INVS: variants seen among roughly 807,000 people sequenced by gnomAD.
INVS encodes inversion of embryo turning homolog.
Under a neutral mutation model 108.8 loss-of-function variants are expected in INVS, and 86 were observed. The ratio of observed to expected loss-of-function variants is 0.79; its 90% CI spans 0.66 to 0.95. The LOEUF (loss-of-function observed/expected upper bound fraction) is 0.95. INVS is among the 40% of genes least tolerant of loss of function. The pLI is 0.00. For missense variants in INVS, 1,169 were observed against 1,297.4 expected (o/e 0.90, Z 1.52); for synonymous variants, 455 against 473.5 (o/e 0.96, Z 0.51).
In INVS at chr9:100,174,402, T is replaced by TA. The variant is rs929801459; in HGVS notation, c.273+47864dup. 5.1e-3 allele frequency among the ~76,000 whole-genome samples: 734 copies of TA among 144,092 alleles called. 5 individuals carry two copies. Among genetic ancestry groups the TA allele is most frequent in the African/African-American group, 0.017 (659 of 39,442 alleles). The allele number at this position is 144,092 out of a possible 152,430, so 94.5% of individuals were successfully genotyped here. On this transcript the variant is annotated intron_variant, in intron 3 of 16. Coordinates refer to ENST00000262457, the MANE Select transcript of INVS (RefSeq NM_014425.5). The stretch of plus-strand genomic sequence containing the variant: ...AGATCAATAGAAATTAACCAATCTT[T>TA]AAAAAAAAAAAGAAGCGAATATACT...
At chr9:100,111,416 A>T (rs974664809) in intron 2 of INVS, among the ~76,000 whole-genome samples, 4 of 152,266 alleles carry the variant, frequency 2.6e-5, no homozygotes, top group African/African-American at 7.2e-5. Flanking sequence ...TGAATGCGGT[A>T]GAGCAGTGGC....
At chr9:100,226,586 G>T (rs1831329916) in intron 4 of INVS, among the ~76,000 whole-genome samples, 1 of 152,136 alleles carries the variant, frequency 6.6e-6, no homozygotes, top group Non-Finnish European at 1.5e-5. Context: ...GCCGAGGCAA[G>T]TGGATCAGCT....
chr9:100,205,173 A>G (rs1054252225), intron 3 of INVS, among the ~76,000 whole-genome samples: 5 of 152,168 alleles, frequency 3.3e-5, no homozygotes, highest in Admixed American at 6.5e-5. Context: ...AGAAGTTTTT[A>G]TGGCCACTCT....
chr9:100,300,820 A>G lies in INVS; in HGVS notation c.*146A>G. 1 of 679,174 alleles carries G rather than the reference A, an allele frequency of 1.5e-6. No homozygotes were observed. The highest frequency in any genetic ancestry group is 1.6e-5 in the South Asian group (1 of 61,674). 42.1% of individuals were successfully genotyped at this position (679,174 alleles called of 1,614,324 possible). A position where few individuals can be genotyped will look rare whatever the true frequency, so the allele number is the denominator to read the frequency against. ...CACCTAAAAATGTGTTAACTGAAAG[A>G]AAATGTCAGAATGTTTCCTTTCTGC... On this transcript the variant is annotated 3_prime_UTR_variant, in exon 17 of 17. Transcript: ENST00000262457.
intron 8 of INVS, among the ~76,000 whole-genome samples, chr9:100,248,450 C>T (rs1021577626): frequency 2.6e-5 from 4 of 151,512 alleles, no homozygotes; most frequent in African/African-American, 9.7e-5. Context: ...AAAGTGAGTT[C>T]CTCTCCGTCA....
intron 14 of INVS, among the ~76,000 whole-genome samples, chr9:100,296,612 C>T (rs775665203): frequency 5.3e-5 from 8 of 152,220 alleles, no homozygotes; most frequent in Non-Finnish European, 1.2e-4. Flanking sequence ...GTTTGCACAA[C>T]CAGCTCCTTG....
At chr9:100,283,402 A>T (rs1210612405) in intron 12 of INVS, among the ~76,000 whole-genome samples, 2 of 152,188 alleles carry the variant, frequency 1.3e-5, no homozygotes, top group Non-Finnish European at 2.9e-5. Flanking sequence ...ATTCCTCAGG[A>T]GAGGACCTGA....
At chr9:100,208,475 C>T (rs1251978190) in intron 3 of INVS, among the ~76,000 whole-genome samples, 1 of 152,140 alleles carries the variant, frequency 6.6e-6, no homozygotes, top group Admixed American at 6.5e-5. Flanking sequence ...GAAATCCCAT[C>T]CATAGTGTGG....
At chr9:100,247,602 A>C (rs565787707) in intron 8 of INVS, among the ~76,000 whole-genome samples, 1 of 152,256 alleles carries the variant, frequency 6.6e-6, no homozygotes, top group South Asian at 2.1e-4. Flanking sequence ...ATCCTGAATA[A>C]GATTTTTCTT....
rs773615807 is a variant in INVS, at chr9:100,225,062, GT to G, written c.274-987del. Among the ~76,000 whole-genome samples, 768 of 140,618 alleles carry G rather than the reference GT, an allele frequency of 5.5e-3. 7 individuals carry two copies. The highest frequency in any genetic ancestry group is 0.018 in the African/African-American group (674 of 38,474). The allele number at this position is 140,618 out of a possible 152,430, so 92.3% of individuals were successfully genotyped here. A position where few individuals can be genotyped will look rare whatever the true frequency, so the allele number is the denominator to read the frequency against. ...TCTGGGATCCAAACTTGGTTTTTTTGTTTTTTTTTTTTTGAGACGGAGTCTC... is the reference window on the plus strand; with the variant it reads ...TCTGGGATCCAAACTTGGTTTTTTTGTTTTTTTTTTTTGAGACGGAGTCTC... On this transcript the variant is annotated intron_variant, in intron 3 of 16. Transcript: ENST00000262457.
chr9:100,284,400 C>T lies in INVS; in HGVS notation c.1865C>T (p.Ala622Val), dbSNP rs745345210. The T allele has an allele frequency of 1.9e-6, 3 of 1,614,022 alleles. No individual in the cohort carries two copies. The highest frequency in any genetic ancestry group is 2.5e-6 in the Non-Finnish European group (3 of 1,180,044). ...AGCCCAGATTCCTGCAGACCCCAGGCCCTTCCCTGTCTGCCTAGCACCCAG... is the reference window on the plus strand; with the variant it reads ...AGCCCAGATTCCTGCAGACCCCAGGTCCTTCCCTGTCTGCCTAGCACCCAG... Reference protein sequence around the residue: ...RRSPDSCRPQALPCLPSTQDV... With the variant: ...RRSPDSCRPQVLPCLPSTQDV... The change falls in exon 13 of 17, where the codon GCC becomes GTC. Residue 622 changes from alanine (A) to valine (V), a missense_variant. Physicochemically the swap from Ala to Val is moderately conservative, Grantham distance 64 (BLOSUM62 0). Coordinates refer to ENST00000262457, the MANE Select transcript of INVS (RefSeq NM_014425.5).
chr9:100,107,224 C>T (rs1450183837), intron 2 of INVS, among the ~76,000 whole-genome samples: 1 of 152,180 alleles, frequency 6.6e-6, no homozygotes, highest in African/African-American at 2.4e-5. Flanking sequence ...CCTAATGCAT[C>T]CTTCTCTCCC....
intron 15 of INVS, 151 bp from the exon 16 acceptor site, chr9:100,297,785 T>C (rs1564195770): frequency 2.6e-6 from 2 of 765,102 alleles, no homozygotes; most frequent in East Asian, 2.6e-5. Flanking sequence ...CTCAGGACTT[T>C]ACCCTGGGCC....
chr9:100,135,269 A>G (rs1377287154), intron 3 of INVS, among the ~76,000 whole-genome samples: 1 of 152,182 alleles, frequency 6.6e-6, no homozygotes, highest in Non-Finnish European at 1.5e-5. Context: ...ACTGTTAAGC[A>G]CTCAGGTCAA....
At chr9:100,156,168 A>G (rs1323204160) in intron 3 of INVS, among the ~76,000 whole-genome samples, 2 of 152,180 alleles carry the variant, frequency 1.3e-5, no homozygotes, top group Non-Finnish European at 2.9e-5. Flanking sequence ...GCCGTGTTAA[A>G]GGAGCTTCCA....
intron 7 of INVS, among the ~76,000 whole-genome samples, chr9:100,245,853 T>C (rs1208725953): frequency 6.6e-6 from 1 of 152,180 alleles, no homozygotes; most frequent in East Asian, 1.9e-4. Context: ...GGATCTCATG[T>C]AAAATGTCCA....
At chr9:100,143,710 A>G (rs1828506937) in intron 3 of INVS, among the ~76,000 whole-genome samples, 1 of 152,236 alleles carries the variant, frequency 6.6e-6, no homozygotes, top group South Asian at 2.1e-4. Context: ...AGGAGTGCTT[A>G]AAAGAGTATT....
intron 3 of INVS, among the ~76,000 whole-genome samples, chr9:100,201,144 A>G (rs1376887104): frequency 6.6e-6 from 1 of 152,218 alleles, no homozygotes; most frequent in Non-Finnish European, 1.5e-5. Context: ...TCATGTCTGC[A>G]TTGGTTCTCC....
rs10118021 is a variant in INVS at position 100,251,832 on chromosome 9, T to C, written c.1079-451T>C. Among the ~76,000 whole-genome samples, 727 of 152,270 alleles carry C rather than the reference T, an allele frequency of 4.8e-3. 7 individuals carry two copies. The highest frequency in any genetic ancestry group is 0.016 in the African/African-American group (682 of 41,556). ...CTGAAGGAACAGTGCATGTAACCAA[T>C]GGAAGGAACAGTAGATTGATGTCTC... On this transcript the variant is annotated intron_variant, in intron 8 of 16. Coordinates refer to ENST00000262457, the MANE Select transcript of INVS (RefSeq NM_014425.5).
Sources: gnomAD v4.1 joint callset for allele counts (sites outside exome capture counted in the v4.1 genomes callset) on GRCh38, gnomAD v4.1.1 for gene constraint, MANE v1.5 for transcripts, NCBI Gene and HGNC (gene_info 2026-07-23, HGNC 2026-07-21) for gene names.